The following HUWE1 variants were observed in gnomAD, a reference collection of about 807,000 sequenced individuals.
HUWE1 encodes HECT, UBA and WWE domain containing E3 ubiquitin protein ligase 1.
A neutral mutation model predicts 299.4 loss-of-function variants in HUWE1; 18 were observed. The ratio of observed to expected loss-of-function variants is 0.06; its 90% confidence interval spans 0.04 to 0.09. The LOEUF (loss-of-function observed/expected upper bound fraction) is 0.09, where lower values mean the gene tolerates loss of function less well. HUWE1 is among the 10% of genes least tolerant of loss of function. The pLI, the probability that HUWE1 is intolerant of heterozygous loss-of-function variation, is 1.00. For synonymous variants in HUWE1, 1,317 were observed against 1,286.1 expected, an observed-to-expected ratio of 1.02 and a Z score of -0.51; for missense variants, 1,832 against 3,462.3, an observed-to-expected ratio of 0.53 and a Z score of 11.82.
At position 53,562,812 on chromosome X, in the gene HUWE1, C is replaced by T; in HGVS notation, c.7204+19G>A. The T allele has an allele frequency of 8.4e-7, 1 of 1,185,950 alleles. No individual in the cohort carries two copies. Among genetic ancestry groups the T allele is most frequent in the African/African-American group, 1.7e-5 (1 of 57,166 alleles). On this transcript the variant is annotated intron_variant, in intron 53 of 83. Coordinates refer to ENST00000262854, the MANE Select transcript of HUWE1 (RefSeq NM_031407.7). ...GTGCAGGGCAAGAAGGGAGGCCTTT[C>T]TGGCCTCGGCACTCTCACCTTCTCG...
At chrX:53,670,345 G>A (rs1405305180) in intron 3 of HUWE1, among the ~76,000 whole-genome samples, 7 of 111,788 alleles carry the variant, frequency 6.3e-5, no homozygotes, top group African/African-American at 2.0e-4. Context: ...ATAAAACATA[G>A]TGAAAACAAT....
rs782431623 is a variant in HUWE1, at chrX:53,588,079, T to A, written c.4614+303A>T. Among the ~76,000 whole-genome samples, 17 of 111,799 alleles carry A rather than the reference T, an allele frequency of 1.5e-4. No individual in the cohort carries two copies. In the East Asian group the frequency reaches 3.6e-3, roughly 24 times the overall value. Reference sequence around the variant, plus strand: ...GTTAGTAATTTAAATACTTTTTTTTTAAACTACCACCTCACAATTCTGACT... The same window carrying A: ...GTTAGTAATTTAAATACTTTTTTTTAAAACTACCACCTCACAATTCTGACT... On this transcript the variant is annotated intron_variant, in intron 37 of 83. Coordinates refer to ENST00000262854, the MANE Select transcript of HUWE1 (RefSeq NM_031407.7).
At chrX:53,669,271 T>A (rs1049652301) in intron 3 of HUWE1, among the ~76,000 whole-genome samples, 1 of 112,119 alleles carries the variant, frequency 8.9e-6, no homozygotes, top group Non-Finnish European at 1.9e-5. Flanking sequence ...TAGAAAAAAA[T>A]GGCTGTCTGA....
At chrX:53,648,418 AG>A (rs1557037601) in intron 4 of HUWE1, 108 bp from the exon 5 acceptor site, 1 of 500,158 alleles carries the variant, frequency 2.0e-6, no homozygotes, top group Non-Finnish European at 3.6e-6. Flanking sequence ...TCCTTTTGCT[AG>A]GATTTACTAC....
chrX:53,574,231 T>TA (rs2062985056), intron 46 of HUWE1, among the ~76,000 whole-genome samples: 1 of 112,196 alleles, frequency 8.9e-6, no homozygotes. Context: ...AACACTCTAC[T>TA]AACAGTTCTT....
At position 53,559,368 on chromosome X, in the gene HUWE1, G is replaced by A; in HGVS notation, c.7901C>T (p.Ala2634Val). 8.3e-7 allele frequency: 1 copy of A among 1,210,902 alleles called. No individual in the cohort carries two copies. Among genetic ancestry groups the A allele is most frequent in the Non-Finnish European group, 1.1e-6 (1 of 894,765 alleles). The change falls in exon 57 of 84, where the codon GCT becomes GTT. Residue 2634 changes from alanine (A) to valine (V), a missense_variant. Ala to Val is a moderately conservative substitution (Grantham distance 64). Coordinates refer to ENST00000262854, the MANE Select transcript of HUWE1 (RefSeq NM_031407.7). ...LDDFFHDQST[A>V]TSQAGTLSSI... ...CACAAACTTGCCTGCTTGGCTGGTA[G>A]CTGTGCTCTGATCATGGAAAAAGTC...
At chrX:53,638,532 G>A (rs2067366408) in intron 7 of HUWE1, among the ~76,000 whole-genome samples, 1 of 111,471 alleles carries the variant, frequency 9.0e-6, no homozygotes, top group Admixed American at 9.5e-5. Flanking sequence ...CAGACATCAG[G>A]AAAAAGGCTT....
At chrX:53,585,227 A>G in intron 39 of HUWE1, 39 bp from the exon 40 acceptor site, 1 of 1,174,741 alleles carries the variant, frequency 8.5e-7, no homozygotes, top group Non-Finnish European at 1.2e-6. Context: ...TATTTCTTTC[A>G]AGGTTGATTA....
chrX:53,538,672 G>T (rs2061175700), intron 76 of HUWE1, among the ~76,000 whole-genome samples, 163 bp downstream of exon 76: 1 of 107,603 alleles, frequency 9.3e-6, no homozygotes, highest in Non-Finnish European at 1.9e-5. Context: ...ACCATGCAGG[G>T]TTTACGTGCA....
intron 26 of HUWE1, 106 bp from the exon 27 acceptor site, chrX:53,603,607 C>T (rs1207792507): frequency 6.8e-5 from 49 of 725,428 alleles, no homozygotes; most frequent in Non-Finnish European, 1.0e-4. Flanking sequence ...GATTTTTCTT[C>T]ATTGCTATTC....
At chrX:53,619,047 CA>C (rs1233573441) in intron 19 of HUWE1, among the ~76,000 whole-genome samples, 1 of 111,355 alleles carries the variant, frequency 9.0e-6, no homozygotes, top group African/African-American at 3.3e-5. Context: ...ACCCATAAAC[CA>C]TGTATACAGA....
At chrX:53,634,418 C>T (rs1007214921) in intron 7 of HUWE1, 120 bp from the exon 8 acceptor site, 1 of 531,581 alleles carries the variant, frequency 1.9e-6, no homozygotes, top group Non-Finnish European at 3.4e-6. Flanking sequence ...TATACACATA[C>T]ATATATATAT....
At chrX:53,643,374 A>G (rs2067745421) in intron 7 of HUWE1, among the ~76,000 whole-genome samples, 1 of 108,895 alleles carries the variant, frequency 9.2e-6, no homozygotes, top group Admixed American at 9.8e-5. Context: ...TTTGAGATAG[A>G]GTCTTGCTCT....
At chrX:53,540,605 G>T (rs782272292) in intron 74 of HUWE1, among the ~76,000 whole-genome samples, 44 of 112,604 alleles carry the variant, frequency 3.9e-4, no homozygotes, top group Non-Finnish European at 2.8e-4. Context: ...GGGATTAGAG[G>T]CGTGAGCCAC....
chrX:53,628,020 C>A (rs2066629671), intron 15 of HUWE1, 141 bp from the exon 16 acceptor site: 6 of 535,242 alleles, frequency 1.1e-5, no homozygotes, highest in Middle Eastern at 4.2e-4. Context: ...ATTTTTGGTG[C>A]CTGCCAAATG....
intron 7 of HUWE1, among the ~76,000 whole-genome samples, chrX:53,638,263 C>T (rs782817723): frequency 1.8e-5 from 2 of 111,408 alleles, no homozygotes; most frequent in East Asian, 5.6e-4. Flanking sequence ...TGGCATGAAC[C>T]CAGGAGGTGG....
At chrX:53,536,092 G>C (rs1486487733) in intron 80 of HUWE1, 55 bp downstream of exon 80, 1 of 779,916 alleles carries the variant, frequency 1.3e-6, no homozygotes, top group East Asian at 3.2e-5. Context: ...GGTGAACCTG[G>C]AATGGATCTT....
At chrX:53,669,838 A>G (rs1252786600) in intron 3 of HUWE1, among the ~76,000 whole-genome samples, 2 of 112,504 alleles carry the variant, frequency 1.8e-5, no homozygotes, top group Admixed American at 9.4e-5. Context: ...AGCTTAACAT[A>G]GTATAAAAAT....
At chrX:53,534,749 A>C in intron 81 of HUWE1, 52 bp from the exon 82 acceptor site, 1 of 1,092,088 alleles carries the variant, frequency 9.2e-7, no homozygotes, top group African/African-American at 1.8e-5. Context: ...ACAACCGTAG[A>C]GGTCAGAGAT....
Sources: gnomAD v4.1 joint callset for allele counts (sites outside exome capture counted in the v4.1 genomes callset) on GRCh38, gnomAD v4.1.1 for gene constraint, MANE v1.5 for transcripts, NCBI Gene and HGNC (gene_info 2026-07-23, HGNC 2026-07-21) for gene names.